The following ADGRB3 variants were observed in gnomAD, a reference collection of about 807,000 sequenced individuals.
The protein encoded by ADGRB3 is brain-specific angiogenesis inhibitor 3.
In ADGRB3, 37 loss-of-function variants were observed where a neutral mutation model predicts 193.4. The ratio of observed to expected loss-of-function variants is 0.19; its 90% CI spans 0.15 to 0.25. ADGRB3 has a LOEUF of 0.25. Ranked by LOEUF, ADGRB3 falls within the 10% of genes least tolerant of loss-of-function variation. The pLI is 1.00. For synonymous variants in ADGRB3, 690 were observed against 644.2 expected, an observed-to-expected ratio of 1.07 and a Z score of -1.08; for missense variants, 1,637 against 1,852.9, an observed-to-expected ratio of 0.88 and a Z score of 2.14.
chr6:69,183,639 A>G (rs1219435006), intron 17 of ADGRB3, among the ~76,000 whole-genome samples: 3 of 152,114 alleles, frequency 2.0e-5, no homozygotes, highest in African/African-American at 7.2e-5. Context: ...TTGAATCTTC[A>G]GTGAAGAACA....
intron 20 of ADGRB3, among the ~76,000 whole-genome samples, chr6:69,256,960 T>C (rs1766790244): frequency 1.3e-5 from 2 of 148,666 alleles, no homozygotes; most frequent in South Asian, 4.2e-4. Context: ...ATTGAGATAA[T>C]CATGTGGTTT....
intron 13 of ADGRB3, among the ~76,000 whole-genome samples, chr6:69,030,668 A>T (rs1770617428): frequency 1.3e-5 from 2 of 152,202 alleles, no homozygotes; most frequent in South Asian, 4.1e-4. Context: ...CCTAATGTAG[A>T]TGATGGGTTG....
chr6:69,049,364 A>C lies in ADGRB3; in HGVS notation c.2333+18A>C, dbSNP rs200780544. ...ACTTTGAGGTAAGCTACAAAGTAAT[A>C]AACTGTTGTAATTTTGTAAATTATT... On this transcript the variant is annotated intron_variant, in intron 15 of 31. Transcript: ENST00000370598. 3 of 1,550,462 alleles carry C rather than the reference A, an allele frequency of 1.9e-6. No individual in the cohort carries two copies. The East Asian group carries it at 6.8e-5, about 35-fold the overall frequency.
chr6:68,882,176 C>T (rs1407027366), intron 3 of ADGRB3, among the ~76,000 whole-genome samples: 1 of 152,160 alleles, frequency 6.6e-6, no homozygotes. Context: ...ATGGATCTTA[C>T]TTCTACAGAA....
At chr6:68,735,847 C>T (rs188888695) in intron 3 of ADGRB3, among the ~76,000 whole-genome samples, 13 of 152,106 alleles carry the variant, frequency 8.5e-5, no homozygotes, top group Admixed American at 2.6e-4. Flanking sequence ...TTTTCCATTT[C>T]GATGAAAGGT....
In ADGRB3 at chr6:69,064,600, T is replaced by G. The variant is rs988727208; in HGVS notation, c.2436+1564T>G. On this transcript the variant is annotated intron_variant, in intron 16 of 31. Transcript: ENST00000370598. ...AAATTTTTTACAAAAATATATGTTTTTATTGTTTTTCTACAGTTACAAGTA... is the reference window on the plus strand; with the variant it reads ...AAATTTTTTACAAAAATATATGTTTGTATTGTTTTTCTACAGTTACAAGTA... 5.3e-5 allele frequency among the ~76,000 whole-genome samples: 8 copies of G among 151,218 alleles called. No individual in the cohort carries two copies. In the Admixed American group the frequency reaches 5.3e-4, roughly 10 times the overall value.
At chr6:69,219,461 GTATATATATATATATATA>G (rs3839475) in intron 17 of ADGRB3, among the ~76,000 whole-genome samples, 8 of 98,952 alleles carry the variant, frequency 8.1e-5, no homozygotes, top group African/African-American at 1.3e-4. Flanking sequence ...ACACACACAC[GTATATATATATATATATA>G]TATATATATA....
intron 20 of ADGRB3, among the ~76,000 whole-genome samples, chr6:69,270,352 C>T (rs902606568): frequency 1.3e-5 from 2 of 152,120 alleles, no homozygotes; most frequent in African/African-American, 4.8e-5. Flanking sequence ...CTCTTTTAAA[C>T]ATCAGTTCTT....
At chr6:69,006,199 T>C (rs1410896342) in intron 11 of ADGRB3, among the ~76,000 whole-genome samples, 1 of 152,144 alleles carries the variant, frequency 6.6e-6, no homozygotes, top group Non-Finnish European at 1.5e-5. Context: ...TAGAATAGGA[T>C]ACTATGAGGT....
At chr6:69,040,237 C>T (rs1770989366) in intron 13 of ADGRB3, among the ~76,000 whole-genome samples, 2 of 151,966 alleles carry the variant, frequency 1.3e-5, no homozygotes, top group African/African-American at 4.8e-5. Context: ...GGCATTTATG[C>T]ATCAGAATCC....
intron 3 of ADGRB3, among the ~76,000 whole-genome samples, chr6:68,656,807 T>C (rs1768500182): frequency 6.6e-6 from 1 of 151,608 alleles, no homozygotes; most frequent in African/African-American, 2.4e-5. Context: ...AGTATGACCT[T>C]TGGCAGTTTG....
chr6:69,221,960 T>C lies in ADGRB3; in HGVS notation c.2481-11330T>C, dbSNP rs543242558. Reference sequence around the variant, plus strand: ...AAAGATTTGGTTATCCAGAGTTCCATTTAAACTTCTTAAAATCTTAACAGT... The same window carrying C: ...AAAGATTTGGTTATCCAGAGTTCCACTTAAACTTCTTAAAATCTTAACAGT... On this transcript the variant is annotated intron_variant, in intron 17 of 31. Transcript: ENST00000370598. 1.5e-3 allele frequency among the ~76,000 whole-genome samples: 236 copies of C among 152,304 alleles called. 3 individuals are homozygous for C. Among genetic ancestry groups the C allele is most frequent in the African/African-American group, 5.3e-3 (219 of 41,570 alleles).
intron 20 of ADGRB3, among the ~76,000 whole-genome samples, chr6:69,287,874 T>G (rs2127290512): frequency 6.6e-6 from 1 of 152,320 alleles, no homozygotes; most frequent in Admixed American, 6.5e-5. Flanking sequence ...TCTCCAGGAA[T>G]CTCAATAGCA....
In ADGRB3 at chr6:68,639,114, G is replaced by A; in HGVS notation, c.439G>A (p.Glu147Lys). 3 of 1,614,170 alleles carry A rather than the reference G, an allele frequency of 1.9e-6. No individual in the cohort carries two copies. The highest frequency in any genetic ancestry group is 1.1e-5 in the South Asian group (1 of 91,086). ...NFPGLQKKGE[E>K]DQKSFFEFLV... Reference sequence around the variant, plus strand: ...CCCAGGATTACAGAAAAAAGGGGAAGAAGATCAGAAATCTTTTTTTGAGTT... The same window carrying A: ...CCCAGGATTACAGAAAAAAGGGGAAAAAGATCAGAAATCTTTTTTTGAGTT... The change falls in exon 3 of 32, where the codon GAA (glutamate) becomes AAA (lysine). Residue 147 changes from glutamate (E) to lysine (K), a missense_variant. By Grantham distance (56) the Glu-to-Lys change is moderately conservative. Transcript: ENST00000370598.
intron 3 of ADGRB3, among the ~76,000 whole-genome samples, chr6:68,667,656 A>AG (rs1349349789): frequency 6.6e-6 from 1 of 151,912 alleles, no homozygotes; most frequent in African/African-American, 2.4e-5. Context: ...TTTTATACCT[A>AG]GGATCCCAAG....
chr6:69,350,001 G>A (rs1015842228), intron 26 of ADGRB3, among the ~76,000 whole-genome samples: 2 of 152,156 alleles, frequency 1.3e-5, no homozygotes, highest in South Asian at 4.1e-4. Context: ...CGCGCTACCA[G>A]CTGCCTTCAG....
rs191300400 is a variant in ADGRB3 at position 69,305,891 on chromosome 6, G to A, written c.2815-18981G>A. On this transcript the variant is annotated intron_variant, in intron 20 of 31. Transcript: ENST00000370598. ...AAAATACCCCTGGGAAAAATATTCT[G>A]CAATGTTCCAAAAACCAAAACTTGA... Among the ~76,000 whole-genome samples the A allele has an allele frequency of 1.3e-3, 190 of 151,508 alleles. 1 individual carries two copies. Among genetic ancestry groups the A allele is most frequent in the Middle Eastern group, 3.4e-3 (1 of 294 alleles).
chr6:69,197,020 G>T (rs1371032724), intron 17 of ADGRB3, among the ~76,000 whole-genome samples: 2 of 152,070 alleles, frequency 1.3e-5, no homozygotes, highest in African/African-American at 4.8e-5. Context: ...CTGAGAATTA[G>T]AAGTAATTGC....
At chr6:68,795,265 T>TA (rs568990118) in intron 3 of ADGRB3, among the ~76,000 whole-genome samples, 343 of 150,514 alleles carry the variant, frequency 2.3e-3, no homozygotes, top group Non-Finnish European at 3.3e-3. Context: ...CTGGCATTTC[T>TA]AAAAAAAAAG....
Sources: allele counts gnomAD v4.1 joint callset (sites outside exome capture counted in the v4.1 genomes callset), GRCh38; gene constraint gnomAD v4.1.1; transcripts MANE v1.5; gene names NCBI Gene and HGNC (gene_info 2026-07-23, HGNC 2026-07-21).